The following FAM228B variants were observed in gnomAD, a reference collection of about 807,000 sequenced individuals.
FAM228B encodes family with sequence similarity 228 member B.
A neutral mutation model predicts 42.6 loss-of-function variants in FAM228B; 38 were observed. The observed-to-expected ratio is 0.89, with a 90% CI of 0.69 to 1.17. FAM228B has a LOEUF of 1.17. FAM228B is among the 50% of genes most tolerant of loss of function. FAM228B has a pLI of 0.00. For synonymous variants in FAM228B, 109 were observed against 122.3 expected (o/e 0.89, Z 0.72); for missense variants, 344 against 367.3 (o/e 0.94, Z 0.52).
Position 24,080,640 on chromosome 2 carries a change from T to G in FAM228B, c.-289-236T>G. ...AATGCACATGGAAACCATCTTAGATTTAAATATGACTGCCTGTCTCCAGTG... is the reference window on the plus strand; with the variant it reads ...AATGCACATGGAAACCATCTTAGATGTAAATATGACTGCCTGTCTCCAGTG... On this transcript the variant is annotated intron_variant, in intron 1 of 10. Transcript: ENST00000613899. This position sits in a 1 kb window ranked among gnomAD's most constrained non-coding sequence, Gnocchi z 4.7. The G allele has an allele frequency of 1.4e-6, 1 of 702,732 alleles. No individual in the cohort carries two copies. The allele number at this position is 702,732 out of a possible 1,614,324, so 43.5% of individuals were successfully genotyped here. A position where few individuals can be genotyped will look rare whatever the true frequency, so the allele number is the denominator to read the frequency against.
intron 3 of FAM228B, among the ~76,000 whole-genome samples, chr2:24,136,053 C>CTTT (rs5829917): frequency 0.017 from 608 of 35,814 alleles, 181 homozygotes; most frequent in South Asian, 0.036. Flanking sequence ...GATAACCCTT[C>CTTT]TTTTTTTTTT....
Position 24,084,092 on chromosome 2 carries a change from C to T in FAM228B, c.-210+3137C>T. On this transcript the variant is annotated intron_variant, in intron 2 of 10. Transcript: ENST00000613899. The surrounding 1 kb of genome is among the most constrained non-coding windows in gnomAD (Gnocchi z 8.4). ...GCGCAGCTGCCTGCTGGGTGTGGAGCGGTGCACGCCTTCACGTCTGGTCAA... is the reference window on the plus strand; with the variant it reads ...GCGCAGCTGCCTGCTGGGTGTGGAGTGGTGCACGCCTTCACGTCTGGTCAA... 4.1e-6 allele frequency: 6 copies of T among 1,460,226 alleles called. No homozygotes were observed. The highest frequency in any genetic ancestry group is 2.5e-5 in the Admixed American group (1 of 39,968). The allele number at this position is 1,460,226 out of a possible 1,614,324, so 90.5% of individuals were successfully genotyped here.
intron 3 of FAM228B, among the ~76,000 whole-genome samples, chr2:24,116,567 G>A (rs1665923775): frequency 6.6e-6 from 1 of 151,792 alleles, no homozygotes; most frequent in Non-Finnish European, 1.5e-5. Flanking sequence ...TTCAACCTGA[G>A]GACCTGGCCG....
In FAM228B at chr2:24,111,073, T is replaced by G. The variant is rs1369586864; in HGVS notation, c.-121+15844T>G. 2.6e-5 allele frequency among the ~76,000 whole-genome samples: 4 copies of G among 152,314 alleles called. No individual in the cohort carries two copies. In the East Asian group the frequency reaches 7.7e-4, roughly 29 times the overall value. ...TCTGAGCTTCCTGGCTGATCTTTTTTTTTTTGAAACAGAGTCTCGCCGTGT... is the reference window on the plus strand; with the variant it reads ...TCTGAGCTTCCTGGCTGATCTTTTTGTTTTTGAAACAGAGTCTCGCCGTGT... On this transcript the variant is annotated intron_variant, in intron 3 of 10. Coordinates refer to the FAM228B transcript ENST00000613899.
chr2:24,124,608 T>C (rs1176019617), intron 2 of FAM228B, 148 bp downstream of exon 2: 3 of 571,894 alleles, frequency 5.2e-6, no homozygotes, highest in Non-Finnish European at 9.1e-6. Flanking sequence ...ACTTTGTATA[T>C]TCACTTTGCT....
chr2:24,105,532 T>G (rs1479360731), intron 3 of FAM228B, among the ~76,000 whole-genome samples: 2 of 152,146 alleles, frequency 1.3e-5, no homozygotes, highest in Non-Finnish European at 2.9e-5. Context: ...GCACAAAAAC[T>G]CTGGCAAATC....
At chr2:24,094,029 CTTTTTTTTTTTTT>C (rs57620033) in intron 2 of FAM228B, among the ~76,000 whole-genome samples, 15 of 77,386 alleles carry the variant, frequency 1.9e-4, no homozygotes, top group South Asian at 8.9e-4. Context: ...TCGCCACATA[CTTTTTTTTTTTTT>C]TTTTTTTTTT....
At chr2:24,115,359 T>A in intron 3 of FAM228B, 1 of 543,214 alleles carries the variant, frequency 1.8e-6, no homozygotes, top group Non-Finnish European at 3.3e-6. Flanking sequence ...TGATCAGTGC[T>A]CTCTCATTCC....
At chr2:24,156,707 C>T (rs1667154881) in intron 7 of FAM228B, among the ~76,000 whole-genome samples, 1 of 151,702 alleles carries the variant, frequency 6.6e-6, no homozygotes, top group South Asian at 2.1e-4. Context: ...TTCTCATGTC[C>T]AATCTATAAT....
At chr2:24,150,438 T>G (rs1666998575) in intron 7 of FAM228B, among the ~76,000 whole-genome samples, 1 of 152,084 alleles carries the variant, frequency 6.6e-6, no homozygotes, top group African/African-American at 2.4e-5. Context: ...TTTATTATTA[T>G]TTTTTTGAGA....
chr2:24,127,070 A>G (rs1442292147), intron 2 of FAM228B, among the ~76,000 whole-genome samples: 3 of 151,990 alleles, frequency 2.0e-5, no homozygotes, highest in Admixed American at 6.6e-5. Flanking sequence ...ATCACCCCCA[A>G]AAAGAAACTT....
chr2:24,168,092 T>G (rs1355501055), intron 10 of FAM228B: 1 of 197,620 alleles, frequency 5.1e-6, no homozygotes, highest in African/African-American at 2.3e-5. Flanking sequence ...TAGATCCATT[T>G]CAGTATCTTT....
At chr2:24,101,176 TG>T (rs1265901936) in intron 3 of FAM228B, among the ~76,000 whole-genome samples, 1 of 152,098 alleles carries the variant, frequency 6.6e-6, no homozygotes, top group African/African-American at 2.4e-5. Context: ...GATGAGTTGA[TG>T]GGTGCAGCAA....
At chr2:24,166,773 T>A (rs1667426676) in intron 9 of FAM228B, among the ~76,000 whole-genome samples, 4 of 152,082 alleles carry the variant, frequency 2.6e-5, no homozygotes, top group Non-Finnish European at 5.9e-5. Context: ...AGGAGGCTTC[T>A]CCTCTGAGAT....
Position 24,080,001 on chromosome 2 carries a change from G to A in FAM228B, c.-289-875G>A, listed in dbSNP as rs1664929528. 6.6e-6 allele frequency among the ~76,000 whole-genome samples: 1 copy of A among 152,088 alleles called. No homozygotes were observed. Among genetic ancestry groups the A allele is most frequent in the African/African-American group, 2.4e-5 (1 of 41,410 alleles). On this transcript the variant is annotated intron_variant, in intron 1 of 10. Transcript: ENST00000613899. This position sits in a 1 kb window ranked among gnomAD's most constrained non-coding sequence, Gnocchi z 4.7. ...TTCACATAGAAGTTAGGAAGTGTCC[G>A]CACTAGGTTATTGGAATCATAGGCT...
chr2:24,167,604 C>T, intron 9 of FAM228B, 23 bp from the exon 10 acceptor site: 1 of 1,551,282 alleles, frequency 6.4e-7, no homozygotes, highest in Non-Finnish European at 8.7e-7. Context: ...ACATAATGAC[C>T]AAAGCTTCAA....
intron 4 of FAM228B, among the ~76,000 whole-genome samples, chr2:24,138,923 G>A (rs1300610142): frequency 6.7e-6 from 1 of 149,378 alleles, no homozygotes; most frequent in Non-Finnish European, 1.5e-5. Flanking sequence ...TCCAGCCTGG[G>A]TGATGGAGCA....
chr2:24,139,479 G>A (rs1352607078), intron 5 of FAM228B, 29 bp downstream of exon 5: 2 of 1,380,628 alleles, frequency 1.4e-6, no homozygotes, highest in East Asian at 5.0e-5. Flanking sequence ...TTTTAACTTT[G>A]GTATTATGTG....
At position 24,155,531 on chromosome 2, in the gene FAM228B, A is replaced by ATTTTT. The variant is rs70944720; in HGVS notation, c.687-5953_687-5949dup. Among the ~76,000 whole-genome samples, 19 of 13,040 alleles carry ATTTTT rather than the reference A, an allele frequency of 1.5e-3. 1 individual carries two copies. The highest frequency in any genetic ancestry group is 2.2e-3 in the African/African-American group (10 of 4,626). 8.6% of individuals were successfully genotyped at this position (13,040 alleles called of 152,430 possible). The stretch of plus-strand genomic sequence containing the variant: ...TATATATATATATATATATATATAT[A>ATTTTT]TTTTTTTTTTTTTTTTTTTTTTTTT... On this transcript the variant is annotated intron_variant, in intron 7 of 10. Transcript: ENST00000615575.
Sources: gnomAD v4.1 joint callset for allele counts (sites outside exome capture counted in the v4.1 genomes callset) on GRCh38, gnomAD v4.1.1 for gene constraint, Gnocchi (gnomAD v3.1) non-coding constraint, MANE v1.5 for transcripts, NCBI Gene and HGNC (gene_info 2026-07-23, HGNC 2026-07-21) for gene names.